KLC4: variants seen among roughly 807,000 people sequenced by gnomAD.
KLC4 encodes kinesin light chain 4.
A neutral mutation model predicts 77.2 loss-of-function variants in KLC4; 49 were observed. The observed-to-expected ratio is 0.63, with a 90% CI of 0.50 to 0.80. The LOEUF is 0.80. KLC4 is among the 30% of genes least tolerant of loss of function. The pLI is 0.00. For synonymous variants in KLC4, 274 were observed against 314.5 expected (o/e 0.87, Z 1.36); for missense variants, 669 against 793.5 (o/e 0.84, Z 1.89).
At position 43,074,814 on chromosome 6, in the gene KLC4, G is replaced by A. The variant is rs1765911026; in HGVS notation, c.*142G>A. 1 of 701,332 alleles carries A rather than the reference G, an allele frequency of 1.4e-6. No homozygotes were observed. The highest frequency in any genetic ancestry group is 1.8e-5 in the African/African-American group (1 of 57,108). The allele number at this position is 701,332 out of a possible 1,614,324, so 43.4% of individuals were successfully genotyped here. A position where few individuals can be genotyped will look rare whatever the true frequency, so the allele number is the denominator to read the frequency against. ...AACCAGAAGATTGCTGCTGCCCTTAGGGTCTCAGCTCCCTCCTCAGGAATC... is the reference window on the plus strand; with the variant it reads ...AACCAGAAGATTGCTGCTGCCCTTAAGGTCTCAGCTCCCTCCTCAGGAATC... On this transcript the variant is annotated 3_prime_UTR_variant, in exon 16 of 16. Transcript: ENST00000347162.
chr6:43,061,252 A>G (rs1765137547), intron 1 of KLC4, 59 bp from the exon 2 acceptor site: 1 of 1,533,702 alleles, frequency 6.5e-7, no homozygotes, highest in Non-Finnish European at 8.8e-7. Context: ...TCTCTGAGAA[A>G]GTTGCTCAGC....
At position 43,070,745 on chromosome 6, in the gene KLC4, C is replaced by A. The variant is rs759783953; in HGVS notation, c.1035C>A (p.Leu345=). 8.9e-5 allele frequency: 143 copies of A among 1,614,030 alleles called. No homozygotes were observed. The highest frequency in any genetic ancestry group is 1.2e-4 in the Non-Finnish European group (136 of 1,180,012). The part of the protein sequence containing the change: ...DVAKQLNNLA[L]LCQNQGKYEA... The stretch of plus-strand genomic sequence containing the variant: ...CAAAACAGCTGAACAACCTGGCCCT[C>A]TTGTGCCAAAACCAGGGCAAGTATG... Residue 345 remains leucine, a synonymous_variant, in exon 8 of 16, where the codon CTC becomes CTA. Transcript: ENST00000347162.
intron 3 of KLC4, among the ~76,000 whole-genome samples, chr6:43,064,233 C>T (rs1645458298): frequency 6.6e-6 from 1 of 152,208 alleles, no homozygotes; most frequent in Admixed American, 6.5e-5. Context: ...GTGCTCAGTG[C>T]TGGATGAGTG....
chr6:43,064,540 A>G (rs916659725), intron 3 of KLC4, among the ~76,000 whole-genome samples: 2 of 152,268 alleles, frequency 1.3e-5, no homozygotes, highest in Non-Finnish European at 1.5e-5. Context: ...AAAAACAAAC[A>G]AAAAAATAGA....
chr6:43,066,220 T>G (rs954556078), intron 4 of KLC4, 86 bp from the exon 5 acceptor site: 1 of 1,155,694 alleles, frequency 8.7e-7, no homozygotes, highest in African/African-American at 1.5e-5. Flanking sequence ...GGCACAAGTA[T>G]GGAACAAGAC....
chr6:43,070,865 G>T lies in KLC4; in HGVS notation c.1155G>T (p.Leu385=). The change falls in exon 8 of 16, where the codon CTG becomes CTT. Residue 385 remains leucine, a splice_region_variant and synonymous_variant. Transcript: ENST00000347162. ...ATGTAGCCCGGACCAAGAACAACCT[G>T]GTATGGGAGGAGGGACAAAGTAGGT... The part of the protein sequence containing the change: ...NPNVARTKNN[L]ASCYLKQGKY... 1 of 1,532,326 alleles carries T rather than the reference G, an allele frequency of 6.5e-7. No individual in the cohort carries two copies. Among genetic ancestry groups the T allele is most frequent in the Non-Finnish European group, 8.8e-7 (1 of 1,131,378 alleles). 94.9% of individuals were successfully genotyped at this position (1,532,326 alleles called of 1,614,324 possible).
chr6:43,070,646 A>G, intron 7 of KLC4, 46 bp from the exon 8 acceptor site: 1 of 1,581,546 alleles, frequency 6.3e-7, no homozygotes, highest in Non-Finnish European at 8.6e-7. Context: ...GCTTGTGCAC[A>G]CACATGTTAT....
rs1037721519 is a variant in KLC4 at position 43,059,982 on chromosome 6, C to T, written c.-26+297C>T. On this transcript the variant is annotated intron_variant, in intron 1 of 15. Transcript: ENST00000347162. ...CCACACCTCCCCCCTGCCGCCCCCG[C>T]CCATCTCACTCTCCCAACCCTGGGC... The T allele has an allele frequency of 3.7e-6, 5 of 1,361,210 alleles. No homozygotes were observed. In the Admixed American group the frequency reaches 1.3e-4, roughly 36 times the overall value. 84.3% of individuals were successfully genotyped at this position (1,361,210 alleles called of 1,614,324 possible). A position where few individuals can be genotyped will look rare whatever the true frequency, so the allele number is the denominator to read the frequency against.
chr6:43,074,357 A>G, intron 15 of KLC4: 1 of 504,460 alleles, frequency 2.0e-6, no homozygotes, highest in Non-Finnish European at 3.5e-6. Context: ...TGATATTTTA[A>G]TGGCAAATGA....
Position 43,062,974 on chromosome 6 carries a change from C to G in KLC4, c.316C>G (p.Arg106Gly). ...AGTGGAGTCGGAGAAACAGAAGCTG[C>G]GGGCTCAGGTGCGGCGGCTATGCCA... ...STVESEKQKL[R>G]AQVRRLCQEN... is the part of the protein sequence containing the mutation. The change falls in exon 3 of 16, where the codon CGG becomes GGG. Residue 106 changes from arginine (R) to glycine (G), a missense_variant. Coordinates refer to ENST00000347162, the MANE Select transcript of KLC4 (RefSeq NM_201521.3). 1 of 1,614,214 alleles carries G rather than the reference C, an allele frequency of 6.2e-7. No individual in the cohort carries two copies. The highest frequency in any genetic ancestry group is 2.2e-5 in the East Asian group (1 of 44,886).
chr6:43,063,829 C>T (rs1408379682), intron 3 of KLC4, among the ~76,000 whole-genome samples: 1 of 152,110 alleles, frequency 6.6e-6, no homozygotes, highest in African/African-American at 2.4e-5. Flanking sequence ...GCTGGGATTA[C>T]AGGTGTGAGC....
chr6:43,060,561 G>C lies in KLC4; in HGVS notation c.-25-750G>C, dbSNP rs1457350401. The C allele has an allele frequency of 5.7e-6, 7 of 1,237,114 alleles. No individual in the cohort carries two copies. The East Asian group carries it at 3.3e-4, about 59-fold the overall frequency. 76.6% of individuals were successfully genotyped at this position (1,237,114 alleles called of 1,614,324 possible). A position where few individuals can be genotyped will look rare whatever the true frequency, so the allele number is the denominator to read the frequency against. ...CTGGCTGCAGAACAGTTTCTTCCGT[G>C]CTCTGGCCTGAGTGCCACAGCCAGG... is the stretch of plus-strand genomic sequence containing the variant. On this transcript the variant is annotated intron_variant, in intron 1 of 15. Coordinates refer to ENST00000347162, the MANE Select transcript of KLC4 (RefSeq NM_201521.3).
chr6:43,070,537 A>G, intron 7 of KLC4, 82 bp downstream of exon 7: 1 of 1,364,466 alleles, frequency 7.3e-7, no homozygotes, highest in East Asian at 2.3e-5. Context: ...CTCCTCCTTC[A>G]CTTTTTTTTT....
intron 4 of KLC4, 36 bp from the exon 5 acceptor site, chr6:43,066,270 G>A (rs1245662729): frequency 6.4e-7 from 1 of 1,557,690 alleles, no homozygotes; most frequent in South Asian, 1.1e-5. Flanking sequence ...AAAGGGGAGA[G>A]GAAGAGTCCT....
At chr6:43,074,448 G>A in intron 15 of KLC4, 174 bp from the exon 16 acceptor site, 1 of 618,440 alleles carries the variant, frequency 1.6e-6, no homozygotes, top group Non-Finnish European at 2.9e-6. Context: ...GTGGCCTTCT[G>A]GAAAACCCTA....
At chr6:43,061,186 C>G in intron 1 of KLC4, 125 bp from the exon 2 acceptor site, 1 of 996,700 alleles carries the variant, frequency 1.0e-6, no homozygotes, top group Non-Finnish European at 1.5e-6. Context: ...CTCTCTCTCT[C>G]CAGCTAAGCC....
intron 3 of KLC4, among the ~76,000 whole-genome samples, chr6:43,063,789 G>C (rs893952382): frequency 1.3e-5 from 2 of 151,808 alleles, no homozygotes; most frequent in Non-Finnish European, 2.9e-5. Context: ...CCTGACCTCA[G>C]GTGGTCTGCC....
At chr6:43,065,025 A>G (rs1765342863) in intron 3 of KLC4, among the ~76,000 whole-genome samples, 1 of 152,170 alleles carries the variant, frequency 6.6e-6, no homozygotes, top group Non-Finnish European at 1.5e-5. Flanking sequence ...GGCCATAATT[A>G]CAAGAGTTAA....
rs1765790946 is a variant in KLC4 at position 43,072,726 on chromosome 6, A to C, written c.1489-98A>C. On this transcript the variant is annotated intron_variant, in intron 12 of 15. Coordinates refer to ENST00000347162, the MANE Select transcript of KLC4 (RefSeq NM_201521.3). Reference sequence around the variant, plus strand: ...ATAAACTGAGACATCACAAGGAAAAATGTTTTCCTTCCAGTGGCTGATGGT... The same window carrying C: ...ATAAACTGAGACATCACAAGGAAAACTGTTTTCCTTCCAGTGGCTGATGGT... The C allele has an allele frequency of 2.5e-6, 3 of 1,186,182 alleles. No homozygotes were observed. In the Admixed American group the frequency reaches 7.0e-5, roughly 28 times the overall value. 73.5% of individuals were successfully genotyped at this position (1,186,182 alleles called of 1,614,324 possible).
Sources: gnomAD v4.1 joint callset for allele counts (sites outside exome capture counted in the v4.1 genomes callset) on GRCh38, gnomAD v4.1.1 for gene constraint, MANE v1.5 for transcripts, NCBI Gene and HGNC (gene_info 2026-07-23, HGNC 2026-07-21) for gene names.